RNF128: variants seen among roughly 807,000 people sequenced by gnomAD.
The protein encoded by RNF128 is ring finger protein 128, also known as E3 ubiquitin-protein ligase RNF128.
RNF128 carries 13 observed loss-of-function variants against 26.2 expected under a neutral mutation model. That is an observed-to-expected ratio of 0.50 (90% CI 0.32 to 0.79). The LOEUF (loss-of-function observed/expected upper bound fraction) is 0.79. Ranked by LOEUF, RNF128 falls within the 30% of genes least tolerant of loss-of-function variation. The probability of loss-of-function intolerance (pLI) is 0.03; values close to 1 mark genes in which losing one functional copy is unlikely to be tolerated. For missense variants in RNF128, 315 were observed against 349.7 expected (o/e 0.90, Z 0.79); for synonymous variants, 149 against 142.5 (o/e 1.05, Z -0.32).
intron 1 of RNF128, among the ~76,000 whole-genome samples, chrX:106,697,587 C>G (rs1252503915): frequency 9.0e-6 from 1 of 111,709 alleles, no homozygotes; most frequent in East Asian, 2.8e-4. Flanking sequence ...CTCCGCATCC[C>G]TTATAGGTTG....
At chrX:106,765,536 A>T (rs1364251381) in intron 1 of RNF128, among the ~76,000 whole-genome samples, 1 of 111,527 alleles carries the variant, frequency 9.0e-6, no homozygotes, top group African/African-American at 3.3e-5. Flanking sequence ...GTCCCCAAAT[A>T]AATAGAAAAA....
upstream of RNF128, among the ~76,000 whole-genome samples, chrX:106,723,792 A>G (rs758075864): frequency 1.8e-5 from 2 of 110,432 alleles, no homozygotes; most frequent in South Asian, 3.9e-4. Flanking sequence ...GGGTCACTCC[A>G]TTTGTACTTA....
chrX:106,699,468 A>T (rs1928919769), intron 1 of RNF128, among the ~76,000 whole-genome samples: 1 of 111,162 alleles, frequency 9.0e-6, no homozygotes, highest in African/African-American at 3.3e-5. Flanking sequence ...ATGTCTATCT[A>T]CTACCACTAG....
upstream of RNF128, among the ~76,000 whole-genome samples, chrX:106,724,158 A>G (rs1432817367): frequency 9.0e-6 from 1 of 111,332 alleles, no homozygotes; most frequent in Non-Finnish European, 1.9e-5. Flanking sequence ...TAGTCTTCCA[A>G]GTCAAAAACC....
chrX:106,703,455 T>C (rs1233430256), intron 1 of RNF128, among the ~76,000 whole-genome samples: 1 of 111,395 alleles, frequency 9.0e-6, no homozygotes, highest in Non-Finnish European at 1.9e-5. Context: ...AAATTCGCCA[T>C]GGTCATACAG....
intron 1 of RNF128, among the ~76,000 whole-genome samples, chrX:106,701,173 GCTT>G (rs1193391922): frequency 9.0e-6 from 1 of 111,209 alleles, no homozygotes; most frequent in Non-Finnish European, 1.9e-5. Flanking sequence ...AGAAAGTTTT[GCTT>G]CTTCTTTTAT....
chrX:106,771,858 G>A (rs1268516339), intron 1 of RNF128, among the ~76,000 whole-genome samples: 4 of 112,389 alleles, frequency 3.6e-5, no homozygotes, highest in African/African-American at 1.3e-4. Flanking sequence ...TTCCTATTCG[G>A]CCATCTTGGA....
In RNF128 at chrX:106,726,979, A is replaced by G. The variant is rs1453471740; in HGVS notation, c.66A>G (p.Ala22=). The G allele has an allele frequency of 2.5e-6, 3 of 1,197,864 alleles. No individual in the cohort carries two copies. The highest frequency in any genetic ancestry group is 1.7e-5 in the African/African-American group (1 of 57,539). Residue 22 remains alanine, a synonymous_variant, in exon 1 of 7, where the codon GCA becomes GCG. Coordinates refer to ENST00000255499, the MANE Select transcript of RNF128 (RefSeq NM_194463.2). Reference sequence around the variant, plus strand: ...GCTGCGGCTTTTCCAGATTGCTGGCATGGTGCTTCCTGCTGGCCCTGAGTC... The same window carrying G: ...GCTGCGGCTTTTCCAGATTGCTGGCGTGGTGCTTCCTGCTGGCCCTGAGTC... ...RGGCGFSRLL[A]WCFLLALSPQ...
exon 1 of RNF128, chrX:106,694,273 T>C (rs1343629174): frequency 1.7e-6 from 2 of 1,209,055 alleles, no homozygotes; most frequent in Non-Finnish European, 2.2e-6. Context: ...TAAGAAGCCC[T>C]GGATTGCGCT....
At position 106,782,218 on chromosome X, in the gene RNF128, A is replaced by G. The variant is rs1602390354; in HGVS notation, c.733-2847A>G. Among the ~76,000 whole-genome samples the G allele has an allele frequency of 3.5e-5, 4 of 112,755 alleles. No individual in the cohort carries two copies. In the East Asian group the frequency reaches 1.1e-3, roughly 31 times the overall value. The stretch of plus-strand genomic sequence containing the variant: ...ACAGCTTGTTGCCTAAACCTAAATT[A>G]GAATTGCTTTAAGCACAAAGAGCAA... On this transcript the variant is annotated intron_variant, in intron 2 of 6. Coordinates refer to ENST00000255499, the MANE Select transcript of RNF128 (RefSeq NM_194463.2).
chrX:106,719,936 C>T (rs1181858081), intron 1 of RNF128, among the ~76,000 whole-genome samples: 1 of 109,450 alleles, frequency 9.1e-6, no homozygotes, highest in East Asian at 2.9e-4. Context: ...GGGCATAGTT[C>T]ATTAAAAACA....
intron 1 of RNF128, among the ~76,000 whole-genome samples, chrX:106,761,141 C>T (rs1178618072): frequency 7.2e-5 from 8 of 111,884 alleles, no homozygotes; most frequent in African/African-American, 2.6e-4. Context: ...AGAAGACATA[C>T]ATGCAGCCAA....
intron 1 of RNF128, among the ~76,000 whole-genome samples, chrX:106,707,040 C>T (rs1351847095): frequency 1.8e-5 from 2 of 112,215 alleles, no homozygotes; most frequent in Non-Finnish European, 3.8e-5. Context: ...TCAAAATTTA[C>T]ATACATAGTT....
At chrX:106,740,507 A>T (rs764270893) in intron 1 of RNF128, among the ~76,000 whole-genome samples, 8 of 112,007 alleles carry the variant, frequency 7.1e-5, no homozygotes, top group Non-Finnish European at 1.3e-4. Flanking sequence ...AAACAATTGA[A>T]TAAACAGTGG....
intron 1 of RNF128, among the ~76,000 whole-genome samples, chrX:106,715,898 G>A (rs181428882): frequency 0.025 from 2,752 of 111,155 alleles, 36 homozygotes; most frequent in Non-Finnish European, 0.039. Flanking sequence ...TGAATAAAAA[G>A]CCTACAATGA....
rs747768876 is a variant in RNF128 at position 106,747,716 on chromosome X, A to G, written c.484+20319A>G. Among the ~76,000 whole-genome samples, 4 of 112,538 alleles carry G rather than the reference A, an allele frequency of 3.6e-5. No individual in the cohort carries two copies. In the East Asian group the frequency reaches 1.1e-3, roughly 31 times the overall value. ...TACAAAACAATTTGTTATTTTACAA[A>G]TCATTGGACATTGAAGGAAAATAAA... On this transcript the variant is annotated intron_variant, in intron 1 of 6. Coordinates refer to ENST00000255499, the MANE Select transcript of RNF128 (RefSeq NM_194463.2).
At chrX:106,766,474 A>G (rs913162271) in intron 1 of RNF128, among the ~76,000 whole-genome samples, 10 of 112,013 alleles carry the variant, frequency 8.9e-5, no homozygotes, top group African/African-American at 3.2e-4. Context: ...GTGATGATGA[A>G]CATTTTTTCA....
intron 1 of RNF128, among the ~76,000 whole-genome samples, chrX:106,749,518 T>TG (rs1382141028): frequency 8.9e-6 from 1 of 112,082 alleles, no homozygotes; most frequent in Non-Finnish European, 1.9e-5. Flanking sequence ...TGTTCTTCCT[T>TG]GGAGTTTCAG....
intron 1 of RNF128, among the ~76,000 whole-genome samples, chrX:106,714,217 T>C (rs1929177231): frequency 9.2e-6 from 1 of 108,625 alleles, no homozygotes; most frequent in Non-Finnish European, 1.9e-5. Context: ...AGGAGTACTA[T>C]GGGCTTTATG....
Sources: allele counts gnomAD v4.1 joint callset (sites outside exome capture counted in the v4.1 genomes callset), GRCh38; gene constraint gnomAD v4.1.1; transcripts MANE v1.5; gene names NCBI Gene and HGNC (gene_info 2026-07-23, HGNC 2026-07-21).